ABCB11: variants seen among roughly 807,000 people sequenced by gnomAD.
ABCB11 encodes the protein bile salt export pump.
Under a neutral mutation model 148.0 loss-of-function variants are expected in ABCB11, and 95 were observed. The ratio of observed to expected loss-of-function variants is 0.64; its 90% confidence interval spans 0.54 to 0.76. The LOEUF is 0.76. Ranked by LOEUF, ABCB11 falls within the 30% of genes least tolerant of loss-of-function variation. The probability of loss-of-function intolerance (pLI) is 0.00; values close to 1 mark genes in which losing one functional copy is unlikely to be tolerated. For synonymous variants in ABCB11, 591 were observed against 555.4 expected, an observed-to-expected ratio of 1.06 and a Z score of -0.90; for missense variants, 1,523 against 1,617.8, an observed-to-expected ratio of 0.94 and a Z score of 1.01.
At chr2:168,998,607 CTT>C (rs1694787100) in intron 5 of ABCB11, among the ~76,000 whole-genome samples, 1 of 46,246 alleles carries the variant, frequency 2.2e-5, no homozygotes, top group African/African-American at 6.3e-5. Context: ...CAATAAATAA[CTT>C]AAATTTCCTG....
chr2:169,012,763 A>AAAAAAG (rs1695227276), intron 5 of ABCB11, among the ~76,000 whole-genome samples: 1 of 136,528 alleles, frequency 7.3e-6, no homozygotes, highest in African/African-American at 2.8e-5. Context: ...AAGAAAAAAG[A>AAAAAAG]AAAAAACAAA....
chr2:168,970,358 T>C (rs1316015551), intron 14 of ABCB11, 143 bp from the exon 15 acceptor site: 2 of 1,534,400 alleles, frequency 1.3e-6, no homozygotes, highest in Non-Finnish European at 8.8e-7. Context: ...GAAATATCCC[T>C]TCCCCAGACG....
intron 26 of ABCB11, among the ~76,000 whole-genome samples, chr2:168,925,738 G>T (rs898353460): frequency 6.6e-6 from 1 of 152,150 alleles, no homozygotes; most frequent in Admixed American, 6.5e-5. Flanking sequence ...CTTTAAGCCA[G>T]GTGAGACCCA....
rs766325107 is a variant in ABCB11 at position 168,979,936 on chromosome 2, G to A, written c.1127C>T (p.Ala376Val). 1 of 1,611,026 alleles carries A rather than the reference G, an allele frequency of 6.2e-7. No homozygotes were observed. The highest frequency in any genetic ancestry group is 8.5e-7 in the Non-Finnish European group (1 of 1,177,910). Residue 376 changes from alanine (A) to valine (V), a missense_variant, in exon 11 of 28, where the codon GCC becomes GTC. Physicochemically the swap from Ala to Val is moderately conservative, Grantham distance 64. Transcript: ENST00000650372. ...VIVGALNLGN[A>V]SPCLEAFATG... ...TGCAAAGGCTTCCAAACAAGGAGAGGCATTGCCAAGATTTAAAGCTCCTAC... is the reference window on the plus strand; with the variant it reads ...TGCAAAGGCTTCCAAACAAGGAGAGACATTGCCAAGATTTAAAGCTCCTAC...
In ABCB11 at chr2:168,975,220, TATAG is replaced by T. The variant is rs1241715673; in HGVS notation, c.1308+1353_1308+1356del. The stretch of plus-strand genomic sequence containing the variant: ...ATAAATATTTTTATATTTAAATATT[TATAG>T]ATAAATATATAAATATTTAAATATT... On this transcript the variant is annotated intron_variant, in intron 12 of 27. Transcript: ENST00000650372. Among the ~76,000 whole-genome samples the T allele has an allele frequency of 7.2e-5, 7 of 97,338 alleles. 2 individuals are homozygous for T. Among genetic ancestry groups the T allele is most frequent in the Non-Finnish European group, 1.3e-4 (7 of 52,546 alleles). 63.9% of individuals were successfully genotyped at this position (97,338 alleles called of 152,430 possible). A position where few individuals can be genotyped will look rare whatever the true frequency, so the allele number is the denominator to read the frequency against.
intron 21 of ABCB11, among the ~76,000 whole-genome samples, chr2:168,943,962 T>C (rs1223681927): frequency 1.3e-5 from 2 of 151,990 alleles, no homozygotes; most frequent in African/African-American, 2.4e-5. Flanking sequence ...GGTAGAGATG[T>C]TGGAAGGGCA....
chr2:168,998,599 A>G (rs923903254), intron 5 of ABCB11, among the ~76,000 whole-genome samples: 5 of 117,846 alleles, frequency 4.2e-5, no homozygotes, highest in African/African-American at 1.4e-4. Flanking sequence ...AATGATAACA[A>G]TAAATAACTT....
rs370458074 is a variant in ABCB11, at chr2:168,935,503, T to C, written c.2815-78A>G. On this transcript the variant is annotated intron_variant, in intron 22 of 27. Transcript: ENST00000650372. ...GTGACATTTCAGTGGCTGCCTGGATTAGATGGTGCAAATGGCAGAATGTGG... is the reference window on the plus strand; with the variant it reads ...GTGACATTTCAGTGGCTGCCTGGATCAGATGGTGCAAATGGCAGAATGTGG... The C allele has an allele frequency of 2.4e-5, 36 of 1,519,838 alleles. No individual in the cohort carries two copies. The African/African-American group carries it at 4.4e-4, about 19-fold the overall frequency. 94.1% of individuals were successfully genotyped at this position (1,519,838 alleles called of 1,614,324 possible). A position where few individuals can be genotyped will look rare whatever the true frequency, so the allele number is the denominator to read the frequency against.
intron 25 of ABCB11, among the ~76,000 whole-genome samples, chr2:168,928,675 T>C (rs1255233633): frequency 6.6e-6 from 1 of 152,184 alleles, no homozygotes; most frequent in Non-Finnish European, 1.5e-5. Flanking sequence ...GAAAAGTAAA[T>C]ATGAGGGATT....
intron 8 of ABCB11, 45 bp from the exon 9 acceptor site, chr2:168,990,970 T>G (rs1479112420): frequency 1.3e-6 from 2 of 1,598,962 alleles, no homozygotes; most frequent in Non-Finnish European, 1.7e-6. Flanking sequence ...TCCAAGAAAT[T>G]AGGTAAGTCA....
At chr2:168,919,803 A>G (rs939494605), downstream of ABCB11, among the ~76,000 whole-genome samples, 1 of 151,992 alleles carries the variant, frequency 6.6e-6, no homozygotes, top group African/African-American at 2.4e-5. Flanking sequence ...TTTTAGTTTC[A>G]TTGTCAAGAG....
At chr2:168,958,734 C>G (rs1692915891) in intron 18 of ABCB11, among the ~76,000 whole-genome samples, 1 of 151,662 alleles carries the variant, frequency 6.6e-6, no homozygotes, top group African/African-American at 2.4e-5. Flanking sequence ...GGACATTAAT[C>G]AGCATTTCTC....
intron 9 of ABCB11, among the ~76,000 whole-genome samples, chr2:168,988,114 C>T (rs552917690): frequency 6.6e-6 from 1 of 152,198 alleles, no homozygotes; most frequent in East Asian, 1.9e-4. Flanking sequence ...TAAACTGCCT[C>T]TTAAATGTGA....
chr2:168,928,932 T>G (rs574330982), intron 25 of ABCB11, among the ~76,000 whole-genome samples: 81 of 152,336 alleles, frequency 5.3e-4, no homozygotes, highest in Non-Finnish European at 1.0e-3. Flanking sequence ...ACTTCCTGGA[T>G]TCTGTCAATT....
intron 1 of ABCB11, among the ~76,000 whole-genome samples, chr2:169,028,765 G>T (rs1695776260): frequency 6.6e-6 from 1 of 152,136 alleles, no homozygotes; most frequent in African/African-American, 2.4e-5. Context: ...ACCCACAGAG[G>T]TTAGGAAATG....
intron 19 of ABCB11, among the ~76,000 whole-genome samples, chr2:168,955,924 C>T (rs1411927994): frequency 6.6e-6 from 1 of 151,620 alleles, no homozygotes; most frequent in African/African-American, 2.4e-5. Context: ...GGTCCAAAAC[C>T]CAGCATGGCA....
At position 168,944,738 on chromosome 2, in the gene ABCB11, A is replaced by G. The variant is rs1411263261; in HGVS notation, c.2477T>C (p.Leu826Pro). The G allele has an allele frequency of 1.2e-6, 2 of 1,612,524 alleles. No individual in the cohort carries two copies. Among genetic ancestry groups the G allele is most frequent in the South Asian group, 1.1e-5 (1 of 91,036 alleles). Residue 826 changes from leucine to proline, a missense_variant, in exon 21 of 28, where the codon CTC becomes CCC. Coordinates refer to ENST00000650372, the MANE Select transcript of ABCB11 (RefSeq NM_003742.4). ...QGYAFAKSGE[L>P]LTKRLRKFGF... ...AAATTTACGTAGCCTTTTTGTTAGGAGCTCCCCAGATTTAGCAAAGGCATA... is the reference window on the plus strand; with the variant it reads ...AAATTTACGTAGCCTTTTTGTTAGGGGCTCCCCAGATTTAGCAAAGGCATA...
chr2:168,930,015 A>G (rs1691496977), intron 25 of ABCB11, among the ~76,000 whole-genome samples: 1 of 152,180 alleles, frequency 6.6e-6, no homozygotes, highest in Non-Finnish European at 1.5e-5. Context: ...TGTAAGCATA[A>G]AGCAGGGGGG....
At chr2:168,990,455 C>T (rs1694476358) in intron 9 of ABCB11, among the ~76,000 whole-genome samples, 1 of 151,960 alleles carries the variant, frequency 6.6e-6, no homozygotes. Flanking sequence ...GTTGTAATGT[C>T]TCATGTAGGC....
Sources: allele counts gnomAD v4.1 joint callset (sites outside exome capture counted in the v4.1 genomes callset), GRCh38; gene constraint gnomAD v4.1.1; transcripts MANE v1.5; gene names NCBI Gene and HGNC (gene_info 2026-07-23, HGNC 2026-07-21).